Variants in SLC14A2 observed in about 807,000 individuals in gnomAD.
SLC14A2 encodes the protein urea transporter 2.
SLC14A2 carries 91 observed loss-of-function variants against 104.6 expected under a neutral mutation model. That is an observed-to-expected ratio of 0.87 (90% confidence interval 0.73 to 1.04). The LOEUF (loss-of-function observed/expected upper bound fraction) is 1.04, where lower values mean the gene tolerates loss of function less well. Ranked by LOEUF, SLC14A2 falls within the 50% of genes least tolerant of loss-of-function variation. The pLI, the probability that SLC14A2 is intolerant of heterozygous loss-of-function variation, is 0.00. For missense variants in SLC14A2, 1,189 were observed against 1,156.0 expected, an observed-to-expected ratio of 1.03 and a Z score of -0.41; for synonymous variants, 476 against 466.4, an observed-to-expected ratio of 1.02 and a Z score of -0.27.
At chr18:45,475,672 T>G (rs183527825) in intron 1 of SLC14A2, among the ~76,000 whole-genome samples, 1,976 of 97,688 alleles carry the variant, frequency 0.02, 114 homozygotes, top group East Asian at 0.14. Context: ...TATATATATA[T>G]ATATATATAT....
chr18:45,173,782 A>C, the SLC14A2 span, among the ~76,000 whole-genome samples: 1 of 152,156 alleles, frequency 6.6e-6, no homozygotes, highest in Non-Finnish European at 1.5e-5. Flanking sequence ...GTTTGCTAGC[A>C]ACCTGGCTGT....
At chr18:45,597,333 A>G (rs541588814) in intron 2 of SLC14A2, among the ~76,000 whole-genome samples, 5 of 152,074 alleles carry the variant, frequency 3.3e-5, no homozygotes, top group African/African-American at 1.2e-4. Context: ...ATCTCAAAAA[A>G]AAAAGAAAGA....
chr18:45,204,284 T>C, the SLC14A2 span, among the ~76,000 whole-genome samples: 3 of 152,214 alleles, frequency 2.0e-5, no homozygotes, highest in Non-Finnish European at 4.4e-5. Context: ...TCTGTTCACA[T>C]GGGAGAAAGC....
At chr18:45,283,015 A>G (rs1237941197) in intron 1 of SLC14A2, among the ~76,000 whole-genome samples, 1 of 152,216 alleles carries the variant, frequency 6.6e-6, no homozygotes, top group African/African-American at 2.4e-5. Context: ...TTAAAGACAC[A>G]TGACATGGTC....
chr18:45,205,141 C>T, the SLC14A2 span, among the ~76,000 whole-genome samples: 16 of 152,304 alleles, frequency 1.1e-4, no homozygotes, highest in East Asian at 1.4e-3. Context: ...CCCCAGCATG[C>T]GGGCCTCCTA....
the SLC14A2 span, among the ~76,000 whole-genome samples, chr18:45,197,725 C>A: frequency 6.6e-6 from 1 of 152,228 alleles, no homozygotes; most frequent in Non-Finnish European, 1.5e-5. Context: ...TCCCCCTGAA[C>A]AATGCGTCTC....
At chr18:45,626,027 A>T (rs1568303914) in intron 3 of SLC14A2, among the ~76,000 whole-genome samples, 164 bp downstream of exon 3, 2 of 152,182 alleles carry the variant, frequency 1.3e-5, no homozygotes, top group African/African-American at 4.8e-5. Context: ...AGCTGGGGGA[A>T]CTTCAGCCCT....
intron 4 of SLC14A2, among the ~76,000 whole-genome samples, chr18:45,630,419 C>T (rs888887133): frequency 1.3e-5 from 2 of 152,130 alleles, no homozygotes; most frequent in Admixed American, 6.5e-5. Context: ...TAGCCTAAGA[C>T]TATACTTTAC....
intron 1 of SLC14A2, among the ~76,000 whole-genome samples, chr18:45,292,938 T>C (rs1405683693): frequency 1.4e-5 from 2 of 146,164 alleles, no homozygotes; most frequent in African/African-American, 5.2e-5. Flanking sequence ...GATGTGCAAG[T>C]TCAAAACTTG....
chr18:45,171,227 G>A, the SLC14A2 span, among the ~76,000 whole-genome samples: 1 of 152,080 alleles, frequency 6.6e-6, no homozygotes, highest in Non-Finnish European at 1.5e-5. Context: ...AAATTCAAAT[G>A]TAAGTGGGTG....
At chr18:45,225,954 A>T (rs1008020339) in intron 1 of SLC14A2, among the ~76,000 whole-genome samples, 4 of 152,194 alleles carry the variant, frequency 2.6e-5, no homozygotes, top group African/African-American at 9.7e-5. Context: ...ATCTACAAAG[A>T]ACTTAAACAA....
At chr18:45,671,416 T>A (rs563994996) in intron 16 of SLC14A2, among the ~76,000 whole-genome samples, 4 of 152,106 alleles carry the variant, frequency 2.6e-5, no homozygotes, top group Non-Finnish European at 5.9e-5. Flanking sequence ...AATTAGAGCC[T>A]TGAGTTTCTG....
intron 1 of SLC14A2, among the ~76,000 whole-genome samples, chr18:45,458,901 A>C (rs568250162): frequency 1.3e-5 from 2 of 152,300 alleles, no homozygotes; most frequent in African/African-American, 2.4e-5. Flanking sequence ...GGTTTGGTGC[A>C]ATGAATATAC....
intron 2 of SLC14A2, among the ~76,000 whole-genome samples, chr18:45,508,721 T>C (rs113052072): frequency 2.4e-4 from 37 of 152,258 alleles, no homozygotes; most frequent in African/African-American, 8.4e-4. Context: ...TCTGGAATCC[T>C]CCATTCTGAT....
the SLC14A2 span, among the ~76,000 whole-genome samples, chr18:45,191,642 G>T: frequency 2.8e-4 from 43 of 152,050 alleles, no homozygotes; most frequent in Non-Finnish European, 4.4e-4. Context: ...TAGGTCCCCT[G>T]GGGGGGAAAT....
chr18:45,349,488 G>A (rs960782819), intron 1 of SLC14A2, among the ~76,000 whole-genome samples: 2 of 152,140 alleles, frequency 1.3e-5, no homozygotes, highest in Non-Finnish European at 2.9e-5. Flanking sequence ...TTCTCCTAGA[G>A]ATGGAATATA....
At chr18:45,349,430 C>T (rs151119943) in intron 1 of SLC14A2, among the ~76,000 whole-genome samples, 68 of 152,306 alleles carry the variant, frequency 4.5e-4, no homozygotes, top group African/African-American at 1.6e-3. Flanking sequence ...TGCTAGCAAT[C>T]CCCTTTTCCC....
At chr18:45,620,258 C>T (rs563203396) in intron 1 of SLC14A2, among the ~76,000 whole-genome samples, 13 of 152,308 alleles carry the variant, frequency 8.5e-5, no homozygotes, top group Non-Finnish European at 2.9e-5. Context: ...TGTGCATGGC[C>T]CAGCCAGGCA....
At chr18:45,668,139 T>C (rs2046061771) in intron 14 of SLC14A2, 117 bp downstream of exon 14, 2 of 1,166,734 alleles carry the variant, frequency 1.7e-6, no homozygotes, top group African/African-American at 1.5e-5. Flanking sequence ...CAACTAAAAA[T>C]GACTGTTCCC....
Sources: allele counts gnomAD v4.1 joint callset (sites outside exome capture counted in the v4.1 genomes callset), GRCh38; gene constraint gnomAD v4.1.1; transcripts MANE v1.5; gene names NCBI Gene and HGNC (gene_info 2026-07-23, HGNC 2026-07-21).